Variants in SIK3 observed in about 807,000 individuals in gnomAD.
SIK3 encodes the protein SIK family kinase 3.
SIK3 carries 28 observed loss-of-function variants against 144.2 expected under a neutral mutation model. The observed-to-expected ratio is 0.19, with a 90% CI of 0.14 to 0.27. SIK3 has a LOEUF of 0.27. Ranked by LOEUF, SIK3 falls within the 10% of genes least tolerant of loss-of-function variation. The probability of loss-of-function intolerance (pLI) is 1.00; values close to 1 mark genes in which losing one functional copy is unlikely to be tolerated. For missense variants in SIK3, 1,319 were observed against 1,776.0 expected, an observed-to-expected ratio of 0.74 and a Z score of 4.62; for synonymous variants, 686 against 676.3, an observed-to-expected ratio of 1.01 and a Z score of -0.22.
chr11:116,902,743 A>C (rs1352165908), intron 4 of SIK3, among the ~76,000 whole-genome samples: 1 of 152,110 alleles, frequency 6.6e-6, no homozygotes, highest in Middle Eastern at 3.2e-3. Flanking sequence ...AAGTATTGTT[A>C]CTCCCAACTC....
intron 3 of SIK3, among the ~76,000 whole-genome samples, chr11:116,927,646 G>A (rs1947349416): frequency 6.6e-6 from 1 of 152,172 alleles, no homozygotes; most frequent in Admixed American, 6.6e-5. Flanking sequence ...GAGAGTTCTG[G>A]TGTTTTTCAA....
intron 1 of SIK3, among the ~76,000 whole-genome samples, chr11:117,044,596 C>T (rs1457809872): frequency 6.7e-6 from 1 of 149,678 alleles, no homozygotes; most frequent in Non-Finnish European, 1.5e-5. Context: ...CCTCTTCACC[C>T]CACATTTTGT....
chr11:117,095,734 G>C (rs912867497), intron 1 of SIK3, among the ~76,000 whole-genome samples: 7 of 152,160 alleles, frequency 4.6e-5, no homozygotes, highest in Admixed American at 3.9e-4. Flanking sequence ...AACTCCTTGT[G>C]AATTAAGCTT....
intron 3 of SIK3, among the ~76,000 whole-genome samples, chr11:116,940,434 T>C (rs766016433): frequency 3.3e-5 from 5 of 152,118 alleles, no homozygotes; most frequent in Non-Finnish European, 7.4e-5. Flanking sequence ...TTTCAACATG[T>C]TGGCCAGGCT....
At position 116,977,975 on chromosome 11, in the gene SIK3, T is replaced by G. The variant is rs981375529; in HGVS notation, c.274-20911A>C. The stretch of plus-strand genomic sequence containing the variant: ...GGCTCACGCCTGTAATCCCAGCACT[T>G]TGGGAGGCCGAGGCGGGTGGATCAC... On this transcript the variant is annotated intron_variant, in intron 1 of 24. Transcript: ENST00000445177. 4.6e-5 allele frequency among the ~76,000 whole-genome samples: 7 copies of G among 152,132 alleles called. No individual in the cohort carries two copies. In the East Asian group the frequency reaches 1.3e-3, roughly 29 times the overall value.
At chr11:116,940,166 T>C (rs1438826688) in intron 3 of SIK3, among the ~76,000 whole-genome samples, 5 of 152,142 alleles carry the variant, frequency 3.3e-5, no homozygotes, top group Non-Finnish European at 4.4e-5. Flanking sequence ...CACAGGGTTA[T>C]GATTTTCAGA....
At chr11:116,881,329 G>A (rs78013608) in intron 6 of SIK3, among the ~76,000 whole-genome samples, 3,096 of 152,062 alleles carry the variant, frequency 0.02, 49 homozygotes, top group Non-Finnish European at 0.027. Flanking sequence ...GACGCCAAGC[G>A]GTCTCCGCAG....
intron 1 of SIK3, among the ~76,000 whole-genome samples, chr11:116,965,840 C>T (rs555381207): frequency 8.4e-5 from 12 of 142,352 alleles, no homozygotes; most frequent in Non-Finnish European, 1.7e-4. Flanking sequence ...GAGACTAAGG[C>T]AGGAGAATCG....
chr11:116,909,870 T>G lies in SIK3; in HGVS notation c.617-12553A>C, dbSNP rs79499562. ...CAGAGTGTAGGAACTGGGAACTACT[T>G]GGTAAGACAGAGATCTCAACTAAAG... On this transcript the variant is annotated intron_variant, in intron 4 of 24. Coordinates refer to ENST00000445177, the MANE Select transcript of SIK3 (RefSeq NM_001366686.3). Among the ~76,000 whole-genome samples, 92 of 152,336 alleles carry G rather than the reference T, an allele frequency of 6.0e-4. 1 individual carries two copies. The highest frequency in any genetic ancestry group is 2.1e-3 in the African/African-American group (88 of 41,584).
intron 6 of SIK3, among the ~76,000 whole-genome samples, chr11:116,882,460 G>A (rs1944599743): frequency 6.6e-6 from 1 of 152,162 alleles, no homozygotes; most frequent in Non-Finnish European, 1.5e-5. Flanking sequence ...TCCTATGAAG[G>A]AGGGAAAGCC....
intron 1 of SIK3, among the ~76,000 whole-genome samples, chr11:117,066,623 A>G (rs1306284186): frequency 1.3e-5 from 2 of 151,816 alleles, no homozygotes; most frequent in East Asian, 3.9e-4. Flanking sequence ...GCAGCCTTAA[A>G]CAGCTAGGCT....
At position 117,050,005 on chromosome 11, in the gene SIK3, T is replaced by C. The variant is rs182846615; in HGVS notation, c.273+48138A>G. Among the ~76,000 whole-genome samples the C allele has an allele frequency of 1.3e-3, 202 of 151,436 alleles. 1 individual carries two copies. Among genetic ancestry groups the C allele is most frequent in the African/African-American group, 4.3e-3 (178 of 41,220 alleles). ...TATATTATAGTATAATTATATAAGA[T>C]AGCAGCCGGGCACAGTGGCTCACGC... On this transcript the variant is annotated intron_variant, in intron 1 of 24. Transcript: ENST00000445177.
rs1313526992 is a variant in SIK3 at position 116,867,968 on chromosome 11, G to A, written c.1930C>T (p.His644Tyr). The A allele has an allele frequency of 5.8e-6, 9 of 1,548,346 alleles. No homozygotes were observed. Among genetic ancestry groups the A allele is most frequent in the Middle Eastern group, 1.7e-4 (1 of 6,004 alleles). ...QPFRSRVWPP[H>Y]LVPDQHRSTY... ...CACCGATGCTGATCAGGTACCAGGT[G>A]AGGAGGCCAGACCCGGGAACGGAAA... The change falls in exon 15 of 25, where the codon CAC becomes TAC. Residue 644 changes from histidine to tyrosine, a missense_variant. His to Tyr is a moderately conservative substitution (Grantham distance 83, BLOSUM62 2). Transcript: ENST00000445177. This position sits in a 1 kb window ranked among gnomAD's most constrained non-coding sequence, Gnocchi z 4.1.
intron 3 of SIK3, among the ~76,000 whole-genome samples, chr11:116,939,955 A>G (rs1050165451): frequency 1.3e-5 from 2 of 152,356 alleles, no homozygotes; most frequent in African/African-American, 2.4e-5. Context: ...TGTACAAACT[A>G]TAAGAAGATG....
At chr11:117,020,246 T>C (rs12420801) in intron 1 of SIK3, among the ~76,000 whole-genome samples, 7 of 127,274 alleles carry the variant, frequency 5.5e-5, no homozygotes, top group African/African-American at 1.4e-4. Flanking sequence ...CATATATATA[T>C]ACACATACAT....
At chr11:116,908,736 G>T (rs1263469054) in intron 4 of SIK3, among the ~76,000 whole-genome samples, 1 of 152,130 alleles carries the variant, frequency 6.6e-6, no homozygotes, top group African/African-American at 2.4e-5. Context: ...TTACACAGTT[G>T]CCAGATGGGC....
intron 1 of SIK3, among the ~76,000 whole-genome samples, chr11:117,097,724 T>C (rs75830246): frequency 0.022 from 3,413 of 152,100 alleles, 73 homozygotes; most frequent in East Asian, 0.088. Flanking sequence ...CACCCTTGTT[T>C]TTCCCCATCC....
chr11:117,094,981 G>T (rs1026613997), intron 1 of SIK3, among the ~76,000 whole-genome samples: 1 of 151,968 alleles, frequency 6.6e-6, no homozygotes, highest in African/African-American at 2.4e-5. Flanking sequence ...TGAATGCCGT[G>T]CTGCAAAAGT....
chr11:117,019,315 G>A (rs141318097), intron 1 of SIK3, among the ~76,000 whole-genome samples: 34 of 152,184 alleles, frequency 2.2e-4, no homozygotes, highest in African/African-American at 7.5e-4. Flanking sequence ...CACCGCACAC[G>A]GTCTTTATTG....
Sources: gnomAD v4.1 joint callset for allele counts (sites outside exome capture counted in the v4.1 genomes callset) on GRCh38, gnomAD v4.1.1 for gene constraint, Gnocchi (gnomAD v3.1) non-coding constraint, MANE v1.5 for transcripts, NCBI Gene and HGNC (gene_info 2026-07-23, HGNC 2026-07-21) for gene names.